RAB38: variants seen among roughly 807,000 people sequenced by gnomAD.
RAB38 encodes RAB38, member RAS oncogene family.
A neutral mutation model predicts 18.4 loss-of-function variants in RAB38; 15 were observed. That is an observed-to-expected ratio of 0.82 (90% confidence interval 0.55 to 1.26). The LOEUF (loss-of-function observed/expected upper bound fraction) is 1.26, where lower values mean the gene tolerates loss of function less well. Ranked by LOEUF, RAB38 falls within the 50% of genes most tolerant of loss-of-function variation. The pLI, the probability that RAB38 is intolerant of heterozygous loss-of-function variation, is 0.00. For synonymous variants in RAB38, 101 were observed against 104.4 expected (o/e 0.97, Z 0.20); for missense variants, 294 against 267.4 (o/e 1.10, Z -0.69).
chr11:87,908,307 C>A, the RAB38 span, among the ~76,000 whole-genome samples: 1 of 151,964 alleles, frequency 6.6e-6, no homozygotes, highest in African/African-American at 2.4e-5. Flanking sequence ...ACTAATCTTT[C>A]TAATCTTGAC....
the RAB38 span, among the ~76,000 whole-genome samples, chr11:88,036,795 A>T: frequency 2.0e-5 from 3 of 151,928 alleles, no homozygotes; most frequent in African/African-American, 7.2e-5. Flanking sequence ...TAATATAAGG[A>T]TTTACATTAA....
chr11:87,830,508 A>G, the RAB38 span, among the ~76,000 whole-genome samples: 1 of 152,056 alleles, frequency 6.6e-6, no homozygotes, highest in African/African-American at 2.4e-5. Context: ...TCGAAGCCTA[A>G]TAATGGATAA....
the RAB38 span, among the ~76,000 whole-genome samples, chr11:88,074,358 T>C: frequency 6.6e-6 from 1 of 152,084 alleles, no homozygotes; most frequent in Non-Finnish European, 1.5e-5. Flanking sequence ...ATAGGCAATA[T>C]AAAAATATGT....
At chr11:88,034,837 A>G in the RAB38 span, among the ~76,000 whole-genome samples, 1 of 152,152 alleles carries the variant, frequency 6.6e-6, no homozygotes, top group African/African-American at 2.4e-5. Context: ...TTGAGTTTAA[A>G]TTTACATTTA....
chr11:87,924,879 T>C, the RAB38 span, among the ~76,000 whole-genome samples: 4 of 152,010 alleles, frequency 2.6e-5, no homozygotes, highest in Non-Finnish European at 5.9e-5. Flanking sequence ...GTGTGTTGTG[T>C]GTATGTGTGT....
the RAB38 span, among the ~76,000 whole-genome samples, chr11:87,883,656 T>G: frequency 1.3e-5 from 2 of 151,966 alleles, no homozygotes; most frequent in Non-Finnish European, 2.9e-5. Context: ...TTTCTAGGTG[T>G]GCCCAACTTA....
the RAB38 span, among the ~76,000 whole-genome samples, chr11:88,017,584 T>C: frequency 4.2e-4 from 63 of 151,470 alleles, no homozygotes; most frequent in African/African-American, 1.5e-3. Context: ...AGTCTTACAC[T>C]GGCTTCTTTA....
the RAB38 span, among the ~76,000 whole-genome samples, chr11:88,101,349 G>C: frequency 5.9e-5 from 9 of 151,788 alleles, no homozygotes; most frequent in African/African-American, 1.7e-4. Flanking sequence ...ATTTATCTTT[G>C]AAACATCATT....
intron 1 of RAB38, among the ~76,000 whole-genome samples, chr11:88,172,557 G>A (rs1449574292): frequency 3.9e-5 from 6 of 152,156 alleles, no homozygotes; most frequent in Admixed American, 2.6e-4. Flanking sequence ...CCTTCTCAAA[G>A]CTAGGCCCAC....
chr11:87,975,438 G>A, the RAB38 span, among the ~76,000 whole-genome samples: 1 of 151,850 alleles, frequency 6.6e-6, no homozygotes, highest in East Asian at 1.9e-4. Flanking sequence ...CGAGAAATAA[G>A]GAAAACTCTT....
the RAB38 span, among the ~76,000 whole-genome samples, chr11:87,951,157 C>G: frequency 6.6e-6 from 1 of 152,168 alleles, no homozygotes; most frequent in Non-Finnish European, 1.5e-5. Context: ...CACTGATACC[C>G]TTTCTTCCAG....
At chr11:88,171,648 G>A (rs1250426318) in intron 1 of RAB38, among the ~76,000 whole-genome samples, 4 of 152,098 alleles carry the variant, frequency 2.6e-5, no homozygotes, top group African/African-American at 7.2e-5. Flanking sequence ...AATATGCCTG[G>A]ACATTCATAA....
chr11:87,810,490 C>G, the RAB38 span, among the ~76,000 whole-genome samples: 12 of 152,236 alleles, frequency 7.9e-5, no homozygotes, highest in South Asian at 2.1e-4. Context: ...TACCAATAAT[C>G]CCTATTATTT....
chr11:88,033,723 G>GC, the RAB38 span, among the ~76,000 whole-genome samples: 3 of 106,836 alleles, frequency 2.8e-5, no homozygotes, highest in African/African-American at 6.8e-5. Context: ...CTGTTGTGTT[G>GC]CCTTTTTTTT....
At chr11:87,835,717 G>T in the RAB38 span, among the ~76,000 whole-genome samples, 5 of 152,180 alleles carry the variant, frequency 3.3e-5, no homozygotes, top group African/African-American at 1.2e-4. Context: ...CAGACCTGGA[G>T]CTGGTCCTTC....
At chr11:87,957,529 G>A in the RAB38 span, among the ~76,000 whole-genome samples, 1 of 152,154 alleles carries the variant, frequency 6.6e-6, no homozygotes, top group Admixed American at 6.6e-5. Flanking sequence ...GACAAAGAAA[G>A]TAGAATCTAA....
chr11:87,837,786 T>G, the RAB38 span, among the ~76,000 whole-genome samples: 1 of 152,196 alleles, frequency 6.6e-6, no homozygotes, highest in Non-Finnish European at 1.5e-5. Context: ...TTGACTAAAG[T>G]CTTTGCATTT....
At chr11:87,937,328 ATATATATATATATATATATATATC>A in the RAB38 span, among the ~76,000 whole-genome samples, 6 of 90,370 alleles carry the variant, frequency 6.6e-5, no homozygotes, top group East Asian at 6.6e-4. Flanking sequence ...ATATATATAT[ATATATATATATATATATATATATC>A]ATAATTCTAT....
At chr11:88,020,043 A>T in the RAB38 span, among the ~76,000 whole-genome samples, 1 of 152,180 alleles carries the variant, frequency 6.6e-6, no homozygotes, top group Non-Finnish European at 1.5e-5. Context: ...GAGAGAGCAG[A>T]GGTAAATGAG....
Sources: gnomAD v4.1 joint callset for allele counts (sites outside exome capture counted in the v4.1 genomes callset) on GRCh38, gnomAD v4.1.1 for gene constraint, MANE v1.5 for transcripts, NCBI Gene and HGNC (gene_info 2026-07-23, HGNC 2026-07-21) for gene names.